SH3KBP1: variants seen among roughly 807,000 people sequenced by gnomAD.
SH3KBP1 encodes the protein SH3 domain-containing kinase-binding protein 1.
A neutral mutation model predicts 50.1 loss-of-function variants in SH3KBP1; 8 were observed. That is an observed-to-expected ratio of 0.16 (90% CI 0.09 to 0.29). The LOEUF (loss-of-function observed/expected upper bound fraction) is 0.29, where lower values mean the gene tolerates loss of function less well. SH3KBP1 is among the 10% of genes least tolerant of loss of function. The pLI is 1.00. For synonymous variants in SH3KBP1, 227 were observed against 218.6 expected (o/e 1.04, Z -0.34); for missense variants, 377 against 535.2 (o/e 0.70, Z 2.92).
At chrX:19,752,801 G>C (rs1475386816) in intron 2 of SH3KBP1, among the ~76,000 whole-genome samples, 1 of 112,438 alleles carries the variant, frequency 8.9e-6, no homozygotes, top group Non-Finnish European at 1.9e-5. Flanking sequence ...TCTCCTAGGA[G>C]GTCAGACATA....
chrX:19,680,497 C>T (rs1411692843), intron 6 of SH3KBP1, among the ~76,000 whole-genome samples: 1 of 110,373 alleles, frequency 9.1e-6, no homozygotes, highest in African/African-American at 3.3e-5. Flanking sequence ...TCAAGCCAGA[C>T]ATTTCAGAAG....
At chrX:19,636,902 G>A (rs1019089348) in intron 7 of SH3KBP1, among the ~76,000 whole-genome samples, 1 of 112,210 alleles carries the variant, frequency 8.9e-6, no homozygotes, top group Non-Finnish European at 1.9e-5. Flanking sequence ...AGCAGCATTT[G>A]GAAAGTACCA....
chrX:19,875,706 G>A (rs920396256), intron 1 of SH3KBP1, among the ~76,000 whole-genome samples: 1 of 112,714 alleles, frequency 8.9e-6, no homozygotes, highest in African/African-American at 3.2e-5. Flanking sequence ...CAGAAGCTCC[G>A]GTGGGCTCAG....
rs372267050 is a variant in SH3KBP1, at chrX:19,560,126, T to TA, written c.1384+8976dup. ...CATAGCAACACCCCATCACTAAAAA[T>TA]AAAAAAAAAAATAGTTATGTTCATA... On this transcript the variant is annotated intron_variant, in intron 13 of 17. Coordinates refer to ENST00000397821, the MANE Select transcript of SH3KBP1 (RefSeq NM_031892.3). Among the ~76,000 whole-genome samples the TA allele has an allele frequency of 4.1e-3, 404 of 97,543 alleles. 5 individuals are homozygous for TA. The highest frequency in any genetic ancestry group is 0.012 in the African/African-American group (313 of 26,620). 84.7% of individuals were successfully genotyped at this position (97,543 alleles called of 115,157 possible). A position where few individuals can be genotyped will look rare whatever the true frequency, so the allele number is the denominator to read the frequency against.
At position 19,721,674 on chromosome X, in the gene SH3KBP1, T is replaced by C. The variant is rs767110591; in HGVS notation, c.287-14690A>G. ...ACAGGTTCCATGGAAATTTTTTAAATAAAAAGAACCCCCAATCCCTGCTTT... is the reference window on the plus strand; with the variant it reads ...ACAGGTTCCATGGAAATTTTTTAAACAAAAAGAACCCCCAATCCCTGCTTT... On this transcript the variant is annotated intron_variant, in intron 3 of 17. Coordinates refer to ENST00000397821, the MANE Select transcript of SH3KBP1 (RefSeq NM_031892.3). Among the ~76,000 whole-genome samples, 10 of 111,151 alleles carry C rather than the reference T, an allele frequency of 9.0e-5. No homozygotes were observed. The East Asian group carries it at 2.2e-3, about 25-fold the overall frequency.
At chrX:19,540,070 T>C (rs1455066165) in intron 16 of SH3KBP1, among the ~76,000 whole-genome samples, 1 of 111,282 alleles carries the variant, frequency 9.0e-6, no homozygotes, top group Admixed American at 9.5e-5. Flanking sequence ...CAAGAACCAA[T>C]GCTCTGGGGT....
chrX:19,802,576 G>A (rs2066924172), intron 2 of SH3KBP1, among the ~76,000 whole-genome samples: 1 of 110,182 alleles, frequency 9.1e-6, no homozygotes, highest in Non-Finnish European at 1.9e-5. Flanking sequence ...TTCTGGCCTT[G>A]CTTCCCATTT....
intron 1 of SH3KBP1, among the ~76,000 whole-genome samples, chrX:19,856,949 G>GTGTTTTTTTTT (rs1275149618): frequency 5.3e-5 from 2 of 37,966 alleles, no homozygotes; most frequent in Non-Finnish European, 9.4e-5. Flanking sequence ...GCTAATACTA[G>GTGTTTTTTTTT]TCTTTTTTTT....
At chrX:19,845,922 T>C (rs2068358286) in intron 1 of SH3KBP1, among the ~76,000 whole-genome samples, 1 of 112,074 alleles carries the variant, frequency 8.9e-6, no homozygotes, top group African/African-American at 3.2e-5. Flanking sequence ...ATATTCTTAT[T>C]TAGTTTTTAG....
intron 12 of SH3KBP1, among the ~76,000 whole-genome samples, chrX:19,578,145 T>G (rs1393913702): frequency 1.8e-5 from 2 of 111,983 alleles, no homozygotes; most frequent in East Asian, 2.8e-4. Context: ...TCTTCTTTTT[T>G]TATGACAACT....
At chrX:19,769,633 C>A (rs1208256812) in intron 2 of SH3KBP1, among the ~76,000 whole-genome samples, 1 of 110,928 alleles carries the variant, frequency 9.0e-6, no homozygotes, top group African/African-American at 3.3e-5. Context: ...TAATAAGCCA[C>A]AAGATTGAAC....
chrX:19,686,487 T>C (rs2063166722), intron 5 of SH3KBP1, among the ~76,000 whole-genome samples: 1 of 110,920 alleles, frequency 9.0e-6, no homozygotes, highest in Admixed American at 9.6e-5. Flanking sequence ...CTACAGAAAG[T>C]GTGGTGTCTG....
At chrX:19,760,041 C>CCTCTCCCTCTCCCTCTCCCTCTCTCTCT (rs1556346157) in intron 2 of SH3KBP1, among the ~76,000 whole-genome samples, 1 of 50,459 alleles carries the variant, frequency 2.0e-5, no homozygotes, top group African/African-American at 9.3e-5. Context: ...TCTCTCTCTC[C>CCTCTCCCTCTCCCTCTCCCTCTCTCTCT]CTCTCTCTCT....
chrX:19,651,686 A>G (rs2062131140), intron 6 of SH3KBP1, among the ~76,000 whole-genome samples: 1 of 112,260 alleles, frequency 8.9e-6, no homozygotes. Flanking sequence ...CAGCTGCTGT[A>G]GAAGCAGTTG....
At chrX:19,586,595 T>C (rs1366441980) in intron 12 of SH3KBP1, among the ~76,000 whole-genome samples, 2 of 112,094 alleles carry the variant, frequency 1.8e-5, no homozygotes, top group African/African-American at 6.5e-5. Context: ...GCAAAGAACC[T>C]TCTATTGCCA....
At chrX:19,609,775 C>T (rs2067354421) in intron 8 of SH3KBP1, among the ~76,000 whole-genome samples, 1 of 112,107 alleles carries the variant, frequency 8.9e-6, no homozygotes, top group Admixed American at 9.4e-5. Flanking sequence ...ATTATACCCC[C>T]AGCCATGTAC....
chrX:19,868,356 C>T (rs756326708), intron 1 of SH3KBP1, among the ~76,000 whole-genome samples: 37 of 111,199 alleles, frequency 3.3e-4, no homozygotes, highest in Middle Eastern at 4.2e-3. Context: ...AATTGTCACT[C>T]ATGAGAAAGA....
At chrX:19,709,292 G>A (rs1280537283) in intron 3 of SH3KBP1, among the ~76,000 whole-genome samples, 1 of 111,815 alleles carries the variant, frequency 8.9e-6, no homozygotes, top group African/African-American at 3.3e-5. Context: ...ACAGGGGAGG[G>A]ACCCAGAGGT....
chrX:19,688,173 G>A (rs934743929), intron 5 of SH3KBP1, among the ~76,000 whole-genome samples: 5 of 111,617 alleles, frequency 4.5e-5, no homozygotes, highest in African/African-American at 1.3e-4. Flanking sequence ...TGATAAAAAC[G>A]AATATTCATG....
Sources: allele counts gnomAD v4.1 joint callset (sites outside exome capture counted in the v4.1 genomes callset), GRCh38; gene constraint gnomAD v4.1.1; transcripts MANE v1.5; gene names NCBI Gene and HGNC (gene_info 2026-07-23, HGNC 2026-07-21).